Variants in FSTL4 observed in about 807,000 individuals in gnomAD.
The protein encoded by FSTL4 is follistatin-related protein 4.
FSTL4 carries 28 observed loss-of-function variants against 78.2 expected under a neutral mutation model. That is an observed-to-expected ratio of 0.36 (90% CI 0.27 to 0.49). FSTL4 has a LOEUF of 0.49. Ranked by LOEUF, FSTL4 falls within the 20% of genes least tolerant of loss-of-function variation. FSTL4 has a pLI of 0.98. For synonymous variants in FSTL4, 422 were observed against 440.5 expected (o/e 0.96, Z 0.53); for missense variants, 922 against 1,084.9 (o/e 0.85, Z 2.11).
At chr5:133,727,814 C>T in the FSTL4 span, among the ~76,000 whole-genome samples, 2 of 152,166 alleles carry the variant, frequency 1.3e-5, no homozygotes, top group African/African-American at 4.8e-5. Flanking sequence ...AGTGAAGAGC[C>T]TGGGAACAGG....
At chr5:133,424,846 A>G (rs1756773086) in intron 3 of FSTL4, among the ~76,000 whole-genome samples, 1 of 152,224 alleles carries the variant, frequency 6.6e-6, no homozygotes, top group African/African-American at 2.4e-5. Context: ...TGAAGCCCAT[A>G]GAGAGAAGCA....
chr5:133,624,482 G>T, the FSTL4 span, among the ~76,000 whole-genome samples: 1 of 151,820 alleles, frequency 6.6e-6, no homozygotes. Flanking sequence ...TTATTTTGGG[G>T]TAATGAAAAC....
the FSTL4 span, among the ~76,000 whole-genome samples, chr5:133,668,834 T>G: frequency 1.3e-5 from 2 of 152,176 alleles, no homozygotes; most frequent in Admixed American, 6.5e-5. Flanking sequence ...TCAGGCATAG[T>G]GCATTAGATG....
chr5:133,498,222 G>T (rs148561465), intron 3 of FSTL4, among the ~76,000 whole-genome samples: 24 of 152,324 alleles, frequency 1.6e-4, no homozygotes, highest in Non-Finnish European at 2.8e-4. Context: ...CAGAGCTGCT[G>T]TTGGGGCTAA....
the FSTL4 span, among the ~76,000 whole-genome samples, chr5:133,726,489 T>G: frequency 1.7e-4 from 26 of 152,176 alleles, no homozygotes; most frequent in African/African-American, 6.0e-4. Context: ...CCATCCTCAC[T>G]CTCCTCCAGA....
At chr5:133,399,937 G>C (rs1309511231) in intron 4 of FSTL4, among the ~76,000 whole-genome samples, 1 of 152,178 alleles carries the variant, frequency 6.6e-6, no homozygotes, top group African/African-American at 2.4e-5. Flanking sequence ...ACAGGCCATG[G>C]CATGTACTAT....
At chr5:133,674,429 T>C in the FSTL4 span, among the ~76,000 whole-genome samples, 2 of 152,206 alleles carry the variant, frequency 1.3e-5, no homozygotes, top group African/African-American at 4.8e-5. Context: ...CATGAGGATA[T>C]ACCCTTCACA....
At chr5:133,531,404 C>T (rs1759249745) in intron 3 of FSTL4, among the ~76,000 whole-genome samples, 2 of 152,124 alleles carry the variant, frequency 1.3e-5, no homozygotes, top group Admixed American at 1.3e-4. Flanking sequence ...TTATTCTTAC[C>T]CATGACTCAT....
intron 3 of FSTL4, among the ~76,000 whole-genome samples, chr5:133,433,683 C>T (rs150410681): frequency 8.5e-5 from 13 of 152,144 alleles, no homozygotes; most frequent in East Asian, 5.8e-4. Context: ...TACATTGATT[C>T]GATAGGTAAA....
At chr5:133,488,084 C>T (rs1465944256) in intron 3 of FSTL4, among the ~76,000 whole-genome samples, 3 of 152,212 alleles carry the variant, frequency 2.0e-5, no homozygotes, top group Admixed American at 1.3e-4. Flanking sequence ...AGACCTCTTC[C>T]TGAACAGCTG....
rs377681430 is a variant in FSTL4 at position 133,277,909 on chromosome 5, G to A, written c.728-28333C>T. ...TAGGTGGGGGCCTCATAGCAAAGAC[G>A]CCACGCGACAAGGGATTTCATCACC... On this transcript the variant is annotated intron_variant, in intron 6 of 15. Coordinates refer to ENST00000265342, the MANE Select transcript of FSTL4 (RefSeq NM_015082.2). 1.1e-4 allele frequency among the ~76,000 whole-genome samples: 17 copies of A among 152,298 alleles called. No individual in the cohort carries two copies. In the South Asian group the frequency reaches 2.9e-3, roughly 26 times the overall value.
intron 3 of FSTL4, among the ~76,000 whole-genome samples, chr5:133,433,596 T>C (rs1756982510): frequency 6.6e-6 from 1 of 152,236 alleles, no homozygotes; most frequent in Non-Finnish European, 1.5e-5. Flanking sequence ...TATATTCTCA[T>C]GGGCAAAGCT....
chr5:133,678,813 A>C, the FSTL4 span, among the ~76,000 whole-genome samples: 1 of 152,046 alleles, frequency 6.6e-6, no homozygotes, highest in African/African-American at 2.4e-5. Context: ...AACAGAGCCC[A>C]GGATTAAGGC....
At chr5:133,406,728 C>A (rs1420376575) in intron 3 of FSTL4, among the ~76,000 whole-genome samples, 1 of 152,208 alleles carries the variant, frequency 6.6e-6, no homozygotes, top group African/African-American at 2.4e-5. Context: ...GGCAGGCCCA[C>A]CAGGCACCAT....
the FSTL4 span, among the ~76,000 whole-genome samples, chr5:133,624,207 C>A: frequency 1.3e-5 from 2 of 151,770 alleles, no homozygotes; most frequent in East Asian, 3.9e-4. Context: ...CAAATGTTCA[C>A]CAATGGAAGA....
chr5:133,805,728 T>TAC, the FSTL4 span, among the ~76,000 whole-genome samples: 1 of 152,146 alleles, frequency 6.6e-6, no homozygotes, highest in Non-Finnish European at 1.5e-5. Flanking sequence ...TCTGCTCAGT[T>TAC]CTCCCAACAT....
At chr5:133,473,133 C>G (rs1169993895) in intron 3 of FSTL4, among the ~76,000 whole-genome samples, 2 of 152,148 alleles carry the variant, frequency 1.3e-5, no homozygotes, top group African/African-American at 4.8e-5. Flanking sequence ...GATTTCTTCT[C>G]TAGAGAAGAT....
chr5:133,673,301 C>G, the FSTL4 span, among the ~76,000 whole-genome samples: 1 of 152,184 alleles, frequency 6.6e-6, no homozygotes. Flanking sequence ...AGGTGTGGCA[C>G]CTCCAGCCCT....
At chr5:133,378,320 A>G (rs1408847480) in intron 4 of FSTL4, among the ~76,000 whole-genome samples, 1 of 152,236 alleles carries the variant, frequency 6.6e-6, no homozygotes. Context: ...TAACTGTACA[A>G]TTGTGCCTAT....
Sources: allele counts gnomAD v4.1 joint callset (sites outside exome capture counted in the v4.1 genomes callset), GRCh38; gene constraint gnomAD v4.1.1; transcripts MANE v1.5; gene names NCBI Gene and HGNC (gene_info 2026-07-23, HGNC 2026-07-21).